CHD7: variants seen among roughly 807,000 people sequenced by gnomAD.
CHD7 encodes the protein chromodomain helicase DNA binding protein 7, also known as ATP-dependent chromatin remodeler CHD7.
CHD7 carries 24 observed loss-of-function variants against 307.3 expected under a neutral mutation model. That is an observed-to-expected ratio of 0.08 (90% CI 0.06 to 0.11). The LOEUF (loss-of-function observed/expected upper bound fraction) is 0.11. CHD7 is among the 10% of genes least tolerant of loss of function. CHD7 has a pLI of 1.00. For synonymous variants in CHD7, 1,363 were observed against 1,349.9 expected (o/e 1.01, Z -0.21); for missense variants, 3,106 against 3,727.1 (o/e 0.83, Z 4.34).
At chr8:60,809,790 A>G (rs1257341631) in intron 7 of CHD7, among the ~76,000 whole-genome samples, 3 of 152,142 alleles carry the variant, frequency 2.0e-5, no homozygotes, top group African/African-American at 7.2e-5. Flanking sequence ...ATTTGGATAC[A>G]ATTTCACATT....
At chr8:60,846,245 A>G (rs1270221234) in intron 23 of CHD7, among the ~76,000 whole-genome samples, 1 of 152,240 alleles carries the variant, frequency 6.6e-6, no homozygotes, top group Non-Finnish European at 1.5e-5. Flanking sequence ...CTAACTGCGT[A>G]CAGTGGAGGG....
intron 18 of CHD7, 67 bp from the exon 19 acceptor site, chr8:60,838,009 T>C (rs1804813891): frequency 7.5e-7 from 1 of 1,326,884 alleles, no homozygotes; most frequent in Non-Finnish European, 1.0e-6. Flanking sequence ...AAATGCAGCA[T>C]TTGTTTAGTC....
In CHD7 at chr8:60,858,671, A is replaced by G. The variant is rs1033624536; in HGVS notation, c.7608+1783A>G. The stretch of plus-strand genomic sequence containing the variant: ...CGCCCAGGCTGGAGCACAATGGCGC[A>G]GTCTCGGCTCAGTGCAGCCTCCAAC... On this transcript the variant is annotated intron_variant, in intron 34 of 37. Coordinates refer to ENST00000423902, the MANE Select transcript of CHD7 (RefSeq NM_017780.4). Among the ~76,000 whole-genome samples the G allele has an allele frequency of 4.6e-5, 7 of 152,330 alleles. No homozygotes were observed. The South Asian group carries it at 1.4e-3, about 32-fold the overall frequency.
chr8:60,852,205 TGGA>T lies in CHD7; in HGVS notation c.5853_5855del (p.Glu1952del), dbSNP rs773787129. 6.2e-7 allele frequency: 1 copy of T among 1,613,688 alleles called. No individual in the cohort carries two copies. The highest frequency in any genetic ancestry group is 8.5e-7 in the Non-Finnish European group (1 of 1,179,854). On this transcript the variant is annotated inframe_deletion, in exon 29 of 38. Coordinates refer to ENST00000423902, the MANE Select transcript of CHD7 (RefSeq NM_017780.4). ...CGGCCTCGAGAGGAAGTGAGAGCTCTGGAAGCGGAAAGGGAAGCTATTATATCT... is the reference window on the plus strand; with the variant it reads ...CGGCCTCGAGAGGAAGTGAGAGCTCTAGCGGAAAGGGAAGCTATTATATCT...
chr8:60,695,897 T>C (rs1439640176), intron 1 of CHD7, among the ~76,000 whole-genome samples: 1 of 151,996 alleles, frequency 6.6e-6, no homozygotes, highest in East Asian at 1.9e-4. Flanking sequence ...TATAAACTTC[T>C]TTTTTTGTGA....
chr8:60,810,001 A>C (rs1338806768), intron 7 of CHD7, among the ~76,000 whole-genome samples: 1 of 152,148 alleles, frequency 6.6e-6, no homozygotes, highest in African/African-American at 2.4e-5. Context: ...CTATTTGTTA[A>C]TTTATAGCTG....
Position 60,865,811 on chromosome 8 carries a change from G to A in CHD7, c.8872G>A (p.Ala2958Thr). 2.5e-6 allele frequency: 4 copies of A among 1,613,966 alleles called. No homozygotes were observed. The highest frequency in any genetic ancestry group is 3.4e-6 in the Non-Finnish European group (4 of 1,179,864). Reference protein sequence around the residue: ...KDGETLEGSDAEESLDKTAES... With the variant: ...KDGETLEGSDTEESLDKTAES... ...TGGAGAGACCCTTGAAGGCAGCGATGCCGAGGAGAGCCTGGATAAGACTGC... is the reference window on the plus strand; with the variant it reads ...TGGAGAGACCCTTGAAGGCAGCGATACCGAGGAGAGCCTGGATAAGACTGC... Residue 2958 changes from alanine (A) to threonine (T), a missense_variant, in exon 38 of 38, where the codon GCC (alanine) becomes ACC (threonine). By Grantham distance (58) the Ala-to-Thr change is moderately conservative (BLOSUM62 0). Around this residue, in one of 10 missense-constraint regions of CHD7, gnomAD observed 351 missense variants for 366.2 expected, o/e 0.96. Coordinates refer to ENST00000423902, the MANE Select transcript of CHD7 (RefSeq NM_017780.4). This position sits in a 1 kb window ranked among gnomAD's most constrained non-coding sequence, Gnocchi z 4.3.
At chr8:60,823,400 TAG>T (rs201075297) in intron 12 of CHD7, among the ~76,000 whole-genome samples, 1,347 of 93,866 alleles carry the variant, frequency 0.014, 14 homozygotes, top group African/African-American at 0.046. Context: ...TATATATAGA[TAG>T]ATAGATAGAT....
In CHD7 at chr8:60,723,142, A is replaced by C. The variant is rs139647249; in HGVS notation, c.-174-18117A>C. Among the ~76,000 whole-genome samples the C allele has an allele frequency of 5.3e-5, 8 of 152,088 alleles. No individual in the cohort carries two copies. In the East Asian group the frequency reaches 1.5e-3, roughly 29 times the overall value. Reference sequence around the variant, plus strand: ...TTTGTATTTGTTAATATTACCACCTATCTAATCAGAAAGCCTTTAAGTATC... The same window carrying C: ...TTTGTATTTGTTAATATTACCACCTCTCTAATCAGAAAGCCTTTAAGTATC... On this transcript the variant is annotated intron_variant, in intron 1 of 37. Transcript: ENST00000423902.
Position 60,742,154 on chromosome 8 carries a change from A to G in CHD7, c.722A>G (p.Gln241Arg), listed in dbSNP as rs1411075980. 1.2e-6 allele frequency: 2 copies of G among 1,613,868 alleles called. No individual in the cohort carries two copies. Among genetic ancestry groups the G allele is most frequent in the Non-Finnish European group, 8.5e-7 (1 of 1,179,876 alleles). ...GPGHLSHVPQ[Q>R]SPSMAPSLRH... is the part of the protein sequence containing the mutation. ...GGCCACTTGTCCCACGTGCCCCAGC[A>G]GAGTCCCAGCATGGCACCTTCCTTG... The change falls in exon 2 of 38, where the codon CAG (glutamine) becomes CGG (arginine). Residue 241 changes from glutamine (Q) to arginine (R), a missense_variant. Coordinates refer to ENST00000423902, the MANE Select transcript of CHD7 (RefSeq NM_017780.4).
rs1219805809 is a variant in CHD7, at chr8:60,867,754, A to G, written c.*1821A>G. The G allele has an allele frequency of 6.6e-6, 1 of 152,170 alleles. No individual in the cohort carries two copies. The highest frequency in any genetic ancestry group is 2.4e-5 in the African/African-American group (1 of 41,424). The allele number at this position is 152,170 out of a possible 1,614,324, so 9.4% of individuals were successfully genotyped here. On this transcript the variant is annotated 3_prime_UTR_variant, in exon 38 of 38. Transcript: ENST00000423902. ...CCCCAAGATGAAAATATGCCCCTTA[A>G]TGATTCTGGGAAAGAAACAACCTGA...
Position 60,741,408 on chromosome 8 carries a change from T to A in CHD7, c.-25T>A, listed in dbSNP as rs780813907. Reference sequence around the variant, plus strand: ...ACAGGCAAGCTCCTGAGCTGTGGTTTGGAGGAGCCGTGTGTTGGAAGAAGA... The same window carrying A: ...ACAGGCAAGCTCCTGAGCTGTGGTTAGGAGGAGCCGTGTGTTGGAAGAAGA... On this transcript the variant is annotated 5_prime_UTR_variant, in exon 2 of 38. Transcript: ENST00000423902. 93 of 1,554,882 alleles carry A rather than the reference T, an allele frequency of 6.0e-5. No homozygotes were observed. The highest frequency in any genetic ancestry group is 1.7e-4 in the Middle Eastern group (1 of 5,968).
chr8:60,742,746 G>C lies in CHD7; in HGVS notation c.1314G>C (p.Gln438His), dbSNP rs1375950477. 3.7e-6 allele frequency: 6 copies of C among 1,613,868 alleles called. No homozygotes were observed. The highest frequency in any genetic ancestry group is 5.1e-6 in the Non-Finnish European group (6 of 1,179,884). The change falls in exon 2 of 38, where the codon CAG becomes CAC. Residue 438 changes from glutamine (Q) to histidine (H), a missense_variant. By Grantham distance (24) the Gln-to-His change is conservative. Coordinates refer to ENST00000423902, the MANE Select transcript of CHD7 (RefSeq NM_017780.4). ...PNMPHPQPSH[Q>H]PPGAMGIGQR... Reference sequence around the variant, plus strand: ...TGCCCCATCCTCAGCCATCTCACCAGCCCCCTGGTGCCATGGGAATCGGAC... The same window carrying C: ...TGCCCCATCCTCAGCCATCTCACCACCCCCCTGGTGCCATGGGAATCGGAC...
At chr8:60,832,429 A>C (rs1213856490) in intron 15 of CHD7, among the ~76,000 whole-genome samples, 1 of 152,160 alleles carries the variant, frequency 6.6e-6, no homozygotes, top group East Asian at 1.9e-4. Context: ...TATGTTTAGA[A>C]GCTTGTGCAG....
chr8:60,705,262 G>C lies in CHD7; in HGVS notation c.-175+26180G>C, dbSNP rs543697309. Among the ~76,000 whole-genome samples, 6 of 152,306 alleles carry C rather than the reference G, an allele frequency of 3.9e-5. 1 individual carries two copies. Among genetic ancestry groups the C allele is most frequent in the African/African-American group, 1.4e-4 (6 of 41,570 alleles). On this transcript the variant is annotated intron_variant, in intron 1 of 37. Transcript: ENST00000423902. ...GGTACAGATGTTAGTGAACTTGCGCGTTTGGCTTTAGGAACTCCCACAGTT... is the reference window on the plus strand; with the variant it reads ...GGTACAGATGTTAGTGAACTTGCGCCTTTGGCTTTAGGAACTCCCACAGTT...
chr8:60,679,126 C>G lies in CHD7; in HGVS notation c.-175+44C>G, dbSNP rs1044919817. On this transcript the variant is annotated intron_variant, in intron 1 of 37. Coordinates refer to ENST00000423902, the MANE Select transcript of CHD7 (RefSeq NM_017780.4). ...CCGGCGCCCCCGGGAGGGGCGGCGG[C>G]GGCGGCGGCGGCAGGAAATCGCTCC... 1.9e-5 allele frequency: 3 copies of G among 159,124 alleles called. No homozygotes were observed. In the Admixed American group the frequency reaches 2.0e-4, roughly 10 times the overall value. The allele number at this position is 159,124 out of a possible 1,614,324, so 9.9% of individuals were successfully genotyped here.
chr8:60,731,921 C>T (rs865792129), intron 1 of CHD7, among the ~76,000 whole-genome samples: 3 of 152,204 alleles, frequency 2.0e-5, no homozygotes, highest in Non-Finnish European at 4.4e-5. Flanking sequence ...CATGGGTCTT[C>T]GAAAGCCCTG....
At chr8:60,680,358 G>A (rs1281886490) in intron 1 of CHD7, among the ~76,000 whole-genome samples, 2 of 143,710 alleles carry the variant, frequency 1.4e-5, no homozygotes, top group African/African-American at 5.0e-5. Flanking sequence ...GCTGGGCTGC[G>A]GTGCGGGGCG....
At chr8:60,728,557 G>A (rs979663303) in intron 1 of CHD7, among the ~76,000 whole-genome samples, 1 of 152,030 alleles carries the variant, frequency 6.6e-6, no homozygotes, top group African/African-American at 2.4e-5. Context: ...AGACAGTCTC[G>A]CTCTGTCGCC....
Sources: gnomAD v4.1 joint callset for allele counts (sites outside exome capture counted in the v4.1 genomes callset) on GRCh38, gnomAD v4.1.1 for gene constraint, gnomAD v4.1.1 regional missense constraint, Gnocchi (gnomAD v3.1) non-coding constraint, MANE v1.5 for transcripts, NCBI Gene and HGNC (gene_info 2026-07-23, HGNC 2026-07-21) for gene names.